Variants in PKP2 observed in about 807,000 individuals in gnomAD.
PKP2 encodes plakophilin-2.
A neutral mutation model predicts 83.4 loss-of-function variants in PKP2; 73 were observed. The observed-to-expected ratio is 0.88, with a 90% CI of 0.72 to 1.06. PKP2 has a LOEUF of 1.06. Among genes scored for constraint, PKP2 ranks in the 50% least tolerant of loss-of-function variants. The probability of loss-of-function intolerance (pLI) is 0.00; values close to 1 mark genes in which losing one functional copy is unlikely to be tolerated. For missense variants in PKP2, 966 were observed against 1,065.4 expected, an observed-to-expected ratio of 0.91 and a Z score of 1.30; for synonymous variants, 409 against 430.4, an observed-to-expected ratio of 0.95 and a Z score of 0.62.
At chr12:32,840,257 T>A (rs537774446) in intron 6 of PKP2, among the ~76,000 whole-genome samples, 5 of 152,304 alleles carry the variant, frequency 3.3e-5, no homozygotes, top group Admixed American at 3.3e-4. Flanking sequence ...GTTCACTTGC[T>A]TATCTGTGTC....
rs138339993 is a variant in PKP2 at position 32,830,502 on chromosome 12, C to T, written c.1557-6340G>A. 2.1e-3 allele frequency among the ~76,000 whole-genome samples: 318 copies of T among 152,330 alleles called. 3 individuals carry two copies. The highest frequency in any genetic ancestry group is 7.2e-3 in the African/African-American group (299 of 41,572). ...AGGTAGAACAAGGCCCTACAACCTA[C>T]ACATCTTGGTCCTACGGGGATAAGA... On this transcript the variant is annotated intron_variant, in intron 6 of 12. Transcript: ENST00000340811.
chr12:32,818,037 T>C (rs1409981061), intron 9 of PKP2, among the ~76,000 whole-genome samples: 1 of 152,200 alleles, frequency 6.6e-6, no homozygotes, highest in Non-Finnish European at 1.5e-5. Flanking sequence ...ATCCTGAAAC[T>C]ATCTCTCCCC....
At chr12:32,813,772 ACCT>A (rs1403829363) in intron 9 of PKP2, among the ~76,000 whole-genome samples, 2 of 151,112 alleles carry the variant, frequency 1.3e-5, no homozygotes, top group African/African-American at 4.9e-5. Flanking sequence ...ACAAAGCAAG[ACCT>A]CATCTTGGGA....
intron 5 of PKP2, among the ~76,000 whole-genome samples, chr12:32,850,310 T>C (rs1956684312): frequency 1.3e-5 from 2 of 152,108 alleles, no homozygotes; most frequent in African/African-American, 2.4e-5. Context: ...TCCCAGCACT[T>C]TGGGAGGCCG....
chr12:32,877,600 T>C, intron 3 of PKP2, among the ~76,000 whole-genome samples: 1 of 152,360 alleles, frequency 6.6e-6, no homozygotes, highest in East Asian at 1.9e-4. Flanking sequence ...GCATCTAATC[T>C]GGAACAGATG....
Position 32,841,331 on chromosome 12 carries a change from G to A in PKP2, c.1379-126C>T, listed in dbSNP as rs566561600. ...CATAAAAAAATTTGGGGGGTTGGGG[G>A]GCCAGCCTCTTTCTCAACTAGAAGA... is the stretch of plus-strand genomic sequence containing the variant. On this transcript the variant is annotated intron_variant, in intron 5 of 12. Transcript: ENST00000340811. 21 of 736,866 alleles carry A rather than the reference G, an allele frequency of 2.8e-5. No homozygotes were observed. In the African/African-American group the frequency reaches 3.0e-4, roughly 10 times the overall value. 45.6% of individuals were successfully genotyped at this position (736,866 alleles called of 1,614,324 possible).
At chr12:32,796,602 T>C (rs556359057) in intron 10 of PKP2, among the ~76,000 whole-genome samples, 1 of 152,222 alleles carries the variant, frequency 6.6e-6, no homozygotes, top group South Asian at 2.1e-4. Flanking sequence ...AGTTTCACCG[T>C]GTTAGCCAGG....
At chr12:32,842,729 CG>C (rs1018152123) in intron 5 of PKP2, among the ~76,000 whole-genome samples, 1 of 151,568 alleles carries the variant, frequency 6.6e-6, no homozygotes, top group Non-Finnish European at 1.5e-5. Context: ...GGCTGAAGTG[CG>C]GTGGCGCAAT....
intron 3 of PKP2, among the ~76,000 whole-genome samples, chr12:32,870,142 A>G (rs1956883806): frequency 6.6e-6 from 1 of 152,226 alleles, no homozygotes; most frequent in Non-Finnish European, 1.5e-5. Context: ...TTCCAGACAC[A>G]TTCATTCCAG....
chr12:32,792,353 G>T lies in PKP2; in HGVS notation c.*71C>A. ...ACAAGGCATGCTTTTGAGGTTTCTTGGGCTGGGTAGTAGAAAAATAGGTGT... is the reference window on the plus strand; with the variant it reads ...ACAAGGCATGCTTTTGAGGTTTCTTTGGCTGGGTAGTAGAAAAATAGGTGT... On this transcript the variant is annotated 3_prime_UTR_variant, in exon 13 of 13. Transcript: ENST00000340811. 3 of 1,091,158 alleles carry T rather than the reference G, an allele frequency of 2.7e-6. No homozygotes were observed. Among genetic ancestry groups the T allele is most frequent in the Non-Finnish European group, 2.8e-6 (2 of 703,286 alleles). The allele number at this position is 1,091,158 out of a possible 1,614,324, so 67.6% of individuals were successfully genotyped here. A position where few individuals can be genotyped will look rare whatever the true frequency, so the allele number is the denominator to read the frequency against.
chr12:32,882,696 T>C (rs1455749663), intron 1 of PKP2, among the ~76,000 whole-genome samples: 2 of 152,228 alleles, frequency 1.3e-5, no homozygotes, highest in Non-Finnish European at 2.9e-5. Flanking sequence ...ATGTGACTTT[T>C]CCTTTAAGGA....
Position 32,838,524 on chromosome 12 carries a change from G to A in PKP2, c.1556+2504C>T, listed in dbSNP as rs554987423. ...ACTCCTTAATGTGATCCTCAAGATCGCCACTATCTGGCTTTAGCCTATGTT... is the reference window on the plus strand; with the variant it reads ...ACTCCTTAATGTGATCCTCAAGATCACCACTATCTGGCTTTAGCCTATGTT... On this transcript the variant is annotated intron_variant, in intron 6 of 12. Coordinates refer to ENST00000340811, the MANE Select transcript of PKP2 (RefSeq NM_001005242.3). Among the ~76,000 whole-genome samples, 169 of 150,828 alleles carry A rather than the reference G, an allele frequency of 1.1e-3. 2 individuals are homozygous for A. The highest frequency in any genetic ancestry group is 3.8e-3 in the African/African-American group (154 of 41,040).
chr12:32,836,556 C>T (rs1956546878), intron 6 of PKP2, among the ~76,000 whole-genome samples: 1 of 152,176 alleles, frequency 6.6e-6, no homozygotes, highest in Admixed American at 6.5e-5. Context: ...GGAGAAAGTT[C>T]ACTGTTGTAT....
intron 1 of PKP2, among the ~76,000 whole-genome samples, chr12:32,884,516 A>G (rs371103771): frequency 7.9e-5 from 12 of 152,194 alleles, no homozygotes; most frequent in Admixed American, 3.9e-4. Flanking sequence ...GAAGACTCCC[A>G]TGCCACATAA....
intron 1 of PKP2, among the ~76,000 whole-genome samples, chr12:32,888,646 C>A (rs1029076080): frequency 9.2e-6 from 1 of 108,778 alleles, no homozygotes; most frequent in African/African-American, 2.9e-5. Context: ...TGCGCCACCA[C>A]GCCCAGCTTA....
At chr12:32,800,918 C>CT (rs1956172696) in intron 10 of PKP2, among the ~76,000 whole-genome samples, 1 of 152,152 alleles carries the variant, frequency 6.6e-6, no homozygotes, top group Non-Finnish European at 1.5e-5. Flanking sequence ...AACATAACAA[C>CT]TTTATTGCAG....
intron 6 of PKP2, among the ~76,000 whole-genome samples, chr12:32,835,794 T>C (rs899813882): frequency 2.0e-5 from 3 of 152,094 alleles, no homozygotes; most frequent in Admixed American, 6.6e-5. Context: ...GAGGGGGAGA[T>C]GTCTGACTTA....
intron 5 of PKP2, among the ~76,000 whole-genome samples, chr12:32,846,613 C>A (rs183265574): frequency 6.6e-6 from 1 of 151,916 alleles, no homozygotes; most frequent in Admixed American, 6.6e-5. Flanking sequence ...GGCATAGTGG[C>A]GCATGCCTGT....
chr12:32,867,098 AAGG>A (rs1303202664), intron 4 of PKP2, among the ~76,000 whole-genome samples: 3 of 152,180 alleles, frequency 2.0e-5, no homozygotes, highest in Non-Finnish European at 1.5e-5. Flanking sequence ...GAGGCCGAGG[AAGG>A]AGGACTGCTT....
Sources: allele counts gnomAD v4.1 joint callset (sites outside exome capture counted in the v4.1 genomes callset), GRCh38; gene constraint gnomAD v4.1.1; transcripts MANE v1.5; gene names NCBI Gene and HGNC (gene_info 2026-07-23, HGNC 2026-07-21).